MYCT1: variants seen among roughly 807,000 people sequenced by gnomAD.
MYCT1 encodes the protein myc target protein 1.
A neutral mutation model predicts 15.0 loss-of-function variants in MYCT1; 12 were observed. The observed-to-expected ratio is 0.80, with a 90% CI of 0.51 to 1.29. MYCT1 has a LOEUF of 1.29. MYCT1 is among the 50% of genes most tolerant of loss of function. The pLI is 0.00. For missense variants in MYCT1, 287 were observed against 279.1 expected (o/e 1.03, Z -0.20); for synonymous variants, 104 against 102.7 (o/e 1.01, Z -0.07).
chr6:152,716,129 T>C (rs935443741), intron 1 of MYCT1, among the ~76,000 whole-genome samples: 3 of 152,158 alleles, frequency 2.0e-5, no homozygotes, highest in South Asian at 4.1e-4. Flanking sequence ...CTTGGATCAG[T>C]GAAGTCGCAG....
At chr6:152,715,104 TA>T (rs939810856) in intron 1 of MYCT1, among the ~76,000 whole-genome samples, 1 of 152,180 alleles carries the variant, frequency 6.6e-6, no homozygotes, top group African/African-American at 2.4e-5. Context: ...TCTACTCAGA[TA>T]TTTTTGTTTC....
At chr6:152,699,499 A>T (rs2099720956) in intron 1 of MYCT1, among the ~76,000 whole-genome samples, 1 of 152,266 alleles carries the variant, frequency 6.6e-6, no homozygotes, top group Admixed American at 6.5e-5. Context: ...CTAGCACTAG[A>T]CAGAAGCCTT....
At chr6:152,732,216 A>G in the MYCT1 span, among the ~76,000 whole-genome samples, 302 of 152,320 alleles carry the variant, frequency 2.0e-3, no homozygotes, top group African/African-American at 6.8e-3. Context: ...CTTAAGAAAC[A>G]ATGTCATCAA....
the MYCT1 span, among the ~76,000 whole-genome samples, chr6:152,740,409 T>C: frequency 6.6e-6 from 1 of 152,202 alleles, no homozygotes; most frequent in Non-Finnish European, 1.5e-5. Flanking sequence ...TTTCACTTTC[T>C]AAAAGTGCTT....
At position 152,720,786 on chromosome 6, in the gene MYCT1, G is replaced by A. The variant is rs115232437; in HGVS notation, c.197-956G>A. Among the ~76,000 whole-genome samples, 814 of 152,244 alleles carry A rather than the reference G, an allele frequency of 5.3e-3. 4 individuals carry two copies. The highest frequency in any genetic ancestry group is 0.019 in the African/African-American group (789 of 41,526). On this transcript the variant is annotated intron_variant, in intron 1 of 1. Coordinates refer to ENST00000367245, the MANE Select transcript of MYCT1 (RefSeq NM_025107.3). ...TGGGGACAAGGGGTTTGATCATGGA[G>A]GGGAAATGTGGGGGACCAACAGGCT...
the MYCT1 span, among the ~76,000 whole-genome samples, chr6:152,746,822 A>C: frequency 1.3e-5 from 2 of 152,166 alleles, no homozygotes; most frequent in Non-Finnish European, 2.9e-5. Context: ...GATTTGAAGC[A>C]AAAAAATTCT....
intron 1 of MYCT1, chr6:152,705,778 A>C (rs1210018512): frequency 1.4e-5 from 8 of 559,608 alleles, no homozygotes; most frequent in Non-Finnish European, 1.6e-5. Flanking sequence ...ACTCCAGCTG[A>C]CTGAGATAAA....
the MYCT1 span, among the ~76,000 whole-genome samples, chr6:152,742,537 G>A: frequency 1.3e-5 from 2 of 152,118 alleles, no homozygotes; most frequent in Non-Finnish European, 2.9e-5. Context: ...TTATAAACAA[G>A]GGAATGATAT....
intron 1 of MYCT1, 151 bp from the exon 2 acceptor site, chr6:152,721,591 A>G: frequency 1.5e-6 from 1 of 674,262 alleles, no homozygotes; most frequent in Non-Finnish European, 2.4e-6. Context: ...CCATTTGTTC[A>G]TATCCACCTA....
At chr6:152,721,058 TCAC>T (rs949942979) in intron 1 of MYCT1, among the ~76,000 whole-genome samples, 5 of 152,230 alleles carry the variant, frequency 3.3e-5, no homozygotes, top group African/African-American at 9.6e-5. Context: ...AATTTCATCA[TCAC>T]AAGGGCGTAA....
At chr6:152,716,059 T>C (rs1250324443) in intron 1 of MYCT1, among the ~76,000 whole-genome samples, 1 of 152,172 alleles carries the variant, frequency 6.6e-6, no homozygotes, top group African/African-American at 2.4e-5. Context: ...GTGTGAGGGA[T>C]ATGGCAAGGA....
chr6:152,700,894 A>C (rs1433195470), intron 1 of MYCT1, among the ~76,000 whole-genome samples: 1 of 152,156 alleles, frequency 6.6e-6, no homozygotes, highest in East Asian at 1.9e-4. Flanking sequence ...TTATTCACTT[A>C]ATTCAATTCT....
downstream of MYCT1, among the ~76,000 whole-genome samples, chr6:152,728,665 GC>G (rs2099726064): frequency 6.6e-6 from 1 of 152,180 alleles, no homozygotes; most frequent in Admixed American, 6.5e-5. Context: ...GGAGTGTGAG[GC>G]AGGAGGATCA....
chr6:152,740,477 A>G, the MYCT1 span, among the ~76,000 whole-genome samples: 2 of 152,214 alleles, frequency 1.3e-5, no homozygotes, highest in African/African-American at 4.8e-5. Flanking sequence ...AAACTGACAA[A>G]AGAGCCTTAA....
intron 1 of MYCT1, among the ~76,000 whole-genome samples, chr6:152,715,906 C>A (rs2099723572): frequency 6.6e-6 from 1 of 152,122 alleles, no homozygotes; most frequent in Non-Finnish European, 1.5e-5. Flanking sequence ...AATTGGGAGC[C>A]TATCAAGTAG....
the MYCT1 span, among the ~76,000 whole-genome samples, chr6:152,745,404 C>T: frequency 3.9e-5 from 6 of 152,124 alleles, no homozygotes; most frequent in African/African-American, 1.2e-4. Flanking sequence ...TGGAGGCTGC[C>T]TTGAGCTACA....
intron 1 of MYCT1, among the ~76,000 whole-genome samples, chr6:152,707,687 AG>A (rs2099722532): frequency 6.6e-6 from 1 of 151,994 alleles, no homozygotes; most frequent in African/African-American, 2.4e-5. Flanking sequence ...GTATGAGATA[AG>A]GGTCCAGTTT....
intron 1 of MYCT1, among the ~76,000 whole-genome samples, chr6:152,714,141 A>G (rs2099723212): frequency 6.6e-6 from 1 of 151,048 alleles, no homozygotes; most frequent in Admixed American, 6.6e-5. Flanking sequence ...GATATTGGTG[A>G]TTTTCTCTTT....
intron 1 of MYCT1, chr6:152,705,792 A>T (rs2099722155): frequency 1.7e-6 from 1 of 599,210 alleles, no homozygotes; most frequent in East Asian, 2.8e-5. Context: ...AGATAAAAAA[A>T]CTGGTATGGA....
Sources: allele counts gnomAD v4.1 joint callset (sites outside exome capture counted in the v4.1 genomes callset), GRCh38; gene constraint gnomAD v4.1.1; transcripts MANE v1.5; gene names NCBI Gene and HGNC (gene_info 2026-07-23, HGNC 2026-07-21).